The following ABCA13 variants were observed in gnomAD, a reference collection of about 807,000 sequenced individuals.
ABCA13 encodes the protein ATP-binding cassette sub-family A member 13.
ABCA13 carries 476 observed loss-of-function variants against 478.7 expected under a neutral mutation model. The ratio of observed to expected loss-of-function variants is 0.99; its 90% confidence interval spans 0.92 to 1.07. The LOEUF (loss-of-function observed/expected upper bound fraction) is 1.07, where lower values mean the gene tolerates loss of function less well. ABCA13 is among the 50% of genes least tolerant of loss of function. The pLI is 0.00. For missense variants in ABCA13, 6,060 were observed against 5,910.6 expected, an observed-to-expected ratio of 1.03 and a Z score of -0.83; for synonymous variants, 2,252 against 2,158.9, an observed-to-expected ratio of 1.04 and a Z score of -1.20.
intron 41 of ABCA13, among the ~76,000 whole-genome samples, chr7:48,416,645 G>A (rs566593395): frequency 6.6e-5 from 10 of 152,166 alleles, no homozygotes; most frequent in South Asian, 6.2e-4. Flanking sequence ...ATCCCCAGTC[G>A]GAGAGTGCCC....
intron 56 of ABCA13, among the ~76,000 whole-genome samples, chr7:48,582,938 A>G (rs1788843562): frequency 6.6e-6 from 1 of 152,178 alleles, no homozygotes; most frequent in Middle Eastern, 3.2e-3. Flanking sequence ...TCACTTGGTT[A>G]TTACCAAATG....
intron 27 of ABCA13, among the ~76,000 whole-genome samples, chr7:48,317,594 A>G (rs1434916427): frequency 6.6e-6 from 1 of 152,212 alleles, no homozygotes; most frequent in East Asian, 1.9e-4. Flanking sequence ...AGAGAGGAGG[A>G]CTGTTTGGAG....
intron 45 of ABCA13, among the ~76,000 whole-genome samples, chr7:48,480,362 C>G (rs1327626491): frequency 6.6e-6 from 1 of 152,222 alleles, no homozygotes; most frequent in African/African-American, 2.4e-5. Context: ...GACCAAACCC[C>G]TGGCATTTTG....
intron 55 of ABCA13, among the ~76,000 whole-genome samples, chr7:48,559,988 G>C (rs1786282564): frequency 6.6e-6 from 1 of 152,174 alleles, no homozygotes; most frequent in South Asian, 2.1e-4. Flanking sequence ...GTTGAGGGAA[G>C]GGTGGTGCAA....
Position 48,511,185 on chromosome 7 carries a change from G to A in ABCA13, c.13626G>A (p.Leu4542=), listed in dbSNP as rs764224560. Residue 4542 remains leucine, a synonymous_variant, in exon 51 of 62, where the codon CTG becomes CTA. Transcript: ENST00000435803. ...AGAACTTGGCAGCCACGGCCCTCCT[G>A]CTGTCACTTTTCGGGTATGTGATGA... ...FRKNLAATAL[L]LSLFGYATLP... 1 of 1,611,722 alleles carries A rather than the reference G, an allele frequency of 6.2e-7. No homozygotes were observed. The highest frequency in any genetic ancestry group is 8.5e-7 in the Non-Finnish European group (1 of 1,179,080).
At chr7:48,450,826 C>G (rs1402228905) in intron 42 of ABCA13, among the ~76,000 whole-genome samples, 1 of 152,082 alleles carries the variant, frequency 6.6e-6, no homozygotes, top group Non-Finnish European at 1.5e-5. Context: ...TATTCACTTA[C>G]AAAATGTAAT....
chr7:48,390,957 G>A (rs1815958473), intron 37 of ABCA13, among the ~76,000 whole-genome samples: 1 of 152,202 alleles, frequency 6.6e-6, no homozygotes, highest in South Asian at 2.1e-4. Flanking sequence ...ATACTAAGGA[G>A]TGGATTTGCT....
chr7:48,610,378 C>T (rs1407803952), intron 58 of ABCA13, among the ~76,000 whole-genome samples: 1 of 152,202 alleles, frequency 6.6e-6, no homozygotes, highest in Non-Finnish European at 1.5e-5. Context: ...AGCAGCTCCG[C>T]CCCTGTGGTT....
intron 59 of ABCA13, among the ~76,000 whole-genome samples, chr7:48,635,630 T>C (rs1358296886): frequency 2.0e-5 from 3 of 152,156 alleles, no homozygotes; most frequent in Non-Finnish European, 4.4e-5. Context: ...ACTGGCAGCT[T>C]AACCTCATGA....
chr7:48,518,983 G>A (rs1206203395), intron 52 of ABCA13, among the ~76,000 whole-genome samples: 1 of 150,344 alleles, frequency 6.7e-6, no homozygotes, highest in Non-Finnish European at 1.5e-5. Context: ...TCCCCCAACA[G>A]GCCCCAGTGT....
At chr7:48,247,515 A>C (rs1267234523) in intron 13 of ABCA13, among the ~76,000 whole-genome samples, 1 of 151,886 alleles carries the variant, frequency 6.6e-6, no homozygotes, top group Non-Finnish European at 1.5e-5. Flanking sequence ...CAGTGACCTA[A>C]AACAAAACAC....
At chr7:48,221,814 A>G (rs1212514079) in intron 5 of ABCA13, among the ~76,000 whole-genome samples, 1 of 152,232 alleles carries the variant, frequency 6.6e-6, no homozygotes, top group Non-Finnish European at 1.5e-5. Flanking sequence ...AGATGTCGCT[A>G]AGAATCTTAC....
intron 27 of ABCA13, among the ~76,000 whole-genome samples, chr7:48,321,440 G>T (rs896578425): frequency 6.6e-6 from 1 of 152,208 alleles, no homozygotes; most frequent in Admixed American, 6.5e-5. Context: ...CCAAACAGGG[G>T]CTGTGGGATG....
rs868532721 is a variant in ABCA13, at chr7:48,614,688, T to C, written c.14745-597T>C. Among the ~76,000 whole-genome samples, 4 of 150,296 alleles carry C rather than the reference T, an allele frequency of 2.7e-5. No homozygotes were observed. In the South Asian group the frequency reaches 8.6e-4, roughly 32 times the overall value. ...AAGAAAATGTGGCACATATACACCA[T>C]GGAATACTATGCAGCCATAAAAAAT... On this transcript the variant is annotated intron_variant, in intron 58 of 61. Coordinates refer to ENST00000435803, the MANE Select transcript of ABCA13 (RefSeq NM_152701.5).
intron 20 of ABCA13, among the ~76,000 whole-genome samples, chr7:48,290,142 C>T (rs1798302598): frequency 6.6e-6 from 1 of 152,190 alleles, no homozygotes. Flanking sequence ...TACCCTCTTC[C>T]ACCCTTTGTT....
chr7:48,325,301 T>C (rs1210577830), intron 27 of ABCA13, among the ~76,000 whole-genome samples: 2 of 152,028 alleles, frequency 1.3e-5, no homozygotes, highest in Non-Finnish European at 2.9e-5. Context: ...CAGGAACCTA[T>C]TGGTGGCTAT....
chr7:48,578,085 A>G lies in ABCA13; in HGVS notation c.14355-2139A>G, dbSNP rs1407413809. Among the ~76,000 whole-genome samples, 6 of 152,282 alleles carry G rather than the reference A, an allele frequency of 3.9e-5. No individual in the cohort carries two copies. In the South Asian group the frequency reaches 8.3e-4, roughly 21 times the overall value. ...CAGAAAGGACATTCCTCAACTTGATAAAGAACACTGTAATAAACCTTCAAG... is the reference window on the plus strand; with the variant it reads ...CAGAAAGGACATTCCTCAACTTGATGAAGAACACTGTAATAAACCTTCAAG... On this transcript the variant is annotated intron_variant, in intron 55 of 61. Coordinates refer to ENST00000435803, the MANE Select transcript of ABCA13 (RefSeq NM_152701.5).
chr7:48,241,822 C>T (rs1333259400), intron 10 of ABCA13, among the ~76,000 whole-genome samples: 1 of 152,180 alleles, frequency 6.6e-6, no homozygotes, highest in East Asian at 1.9e-4. Context: ...AATAGCAATT[C>T]TAAACACTTC....
In ABCA13 at chr7:48,520,108, A is replaced by G. The variant is rs752750820; in HGVS notation, c.13865A>G (p.Gln4622Arg). Residue 4622 changes from glutamine to arginine, a missense_variant, in exon 53 of 62, where the codon CAA (glutamine) becomes CGA (arginine). Gln to Arg is a conservative substitution (Grantham distance 43, BLOSUM62 1). This residue lies in a region of ABCA13 where 1,627 missense variants were observed against 1,571.0 expected (regional missense o/e 1.04). Transcript: ENST00000435803. ...FTIFPQFCLGQGLVELCYNQI... is the reference protein window; with the variant it reads ...FTIFPQFCLGRGLVELCYNQI... ...ATTTTTCCTCAATTCTGTCTTGGTC[A>G]AGGACTGGTAGAACTCTGCTATAAT... 12 of 1,613,508 alleles carry G rather than the reference A, an allele frequency of 7.4e-6. No individual in the cohort carries two copies. In the Admixed American group the frequency reaches 1.5e-4, roughly 20 times the overall value.
Sources: gnomAD v4.1 joint callset for allele counts (sites outside exome capture counted in the v4.1 genomes callset) on GRCh38, gnomAD v4.1.1 for gene constraint, gnomAD v4.1.1 regional missense constraint, MANE v1.5 for transcripts, NCBI Gene and HGNC (gene_info 2026-07-23, HGNC 2026-07-21) for gene names.